KCNIP1: variants seen among roughly 807,000 people sequenced by gnomAD.
KCNIP1 encodes potassium voltage-gated channel interacting protein 1, also known as A-type potassium channel modulatory protein KCNIP1.
Under a neutral mutation model 33.0 loss-of-function variants are expected in KCNIP1, and 18 were observed. The ratio of observed to expected loss-of-function variants is 0.55; its 90% confidence interval spans 0.38 to 0.81. The LOEUF is 0.81. Among genes scored for constraint, KCNIP1 ranks in the 30% least tolerant of loss-of-function variants. KCNIP1 has a pLI of 0.00. For missense variants in KCNIP1, 238 were observed against 271.6 expected (o/e 0.88, Z 0.87); for synonymous variants, 93 against 98.3 (o/e 0.95, Z 0.32).
At chr5:170,424,075 C>T (rs907854253) in intron 1 of KCNIP1, among the ~76,000 whole-genome samples, 1 of 152,230 alleles carries the variant, frequency 6.6e-6, no homozygotes, top group South Asian at 2.1e-4. Flanking sequence ...ATAAATCATT[C>T]ATCGCCATCA....
At chr5:170,431,253 C>T (rs940932852) in intron 1 of KCNIP1, among the ~76,000 whole-genome samples, 8 of 152,238 alleles carry the variant, frequency 5.3e-5, no homozygotes, top group Admixed American at 4.6e-4. Flanking sequence ...ACATCTTCTC[C>T]AGTTACTCAA....
intron 1 of KCNIP1, among the ~76,000 whole-genome samples, chr5:170,494,214 G>A (rs1757266006): frequency 6.6e-6 from 1 of 152,150 alleles, no homozygotes; most frequent in South Asian, 2.1e-4. Flanking sequence ...GAGCAGCCCT[G>A]AGCTGTGGGC....
chr5:170,361,082 C>G (rs1484812777), intron 1 of KCNIP1, among the ~76,000 whole-genome samples: 1 of 152,222 alleles, frequency 6.6e-6, no homozygotes, highest in Admixed American at 6.5e-5. Flanking sequence ...CTCTCATGCT[C>G]TGCTGGGGGA....
chr5:170,398,602 T>C (rs1316530801), intron 1 of KCNIP1, among the ~76,000 whole-genome samples: 1 of 152,262 alleles, frequency 6.6e-6, no homozygotes, highest in African/African-American at 2.4e-5. Flanking sequence ...TGAAATATTT[T>C]ATTTGTCCCA....
chr5:170,716,723 G>A (rs1368974916), intron 1 of KCNIP1, among the ~76,000 whole-genome samples: 1 of 152,138 alleles, frequency 6.6e-6, no homozygotes, highest in African/African-American at 2.4e-5. Flanking sequence ...CATTTTTTAT[G>A]AAGGTGATGG....
chr5:170,516,725 T>C (rs1755136790), intron 1 of KCNIP1, among the ~76,000 whole-genome samples: 1 of 152,210 alleles, frequency 6.6e-6, no homozygotes, highest in African/African-American at 2.4e-5. Context: ...CAGTCCTAGC[T>C]TACCGTTTAG....
At chr5:170,639,016 C>T (rs1349840381) in intron 1 of KCNIP1, 16 of 152,302 alleles carry the variant, frequency 1.1e-4, no homozygotes, top group Admixed American at 1.0e-3. Flanking sequence ...AGCAAGGGTC[C>T]TCCGGGGCGG....
At chr5:170,699,702 T>G (rs1763026463) in intron 1 of KCNIP1, among the ~76,000 whole-genome samples, 1 of 152,160 alleles carries the variant, frequency 6.6e-6, no homozygotes, top group Non-Finnish European at 1.5e-5. Context: ...TCCCCTGGTA[T>G]TCCAGCTGAA....
intron 1 of KCNIP1, among the ~76,000 whole-genome samples, chr5:170,384,472 G>A (rs1488139945): frequency 6.6e-6 from 1 of 152,240 alleles, no homozygotes; most frequent in Non-Finnish European, 1.5e-5. Context: ...TAAGAGTCCA[G>A]CCTGGAATCG....
intron 1 of KCNIP1, among the ~76,000 whole-genome samples, chr5:170,431,902 C>T (rs1755750479): frequency 6.6e-6 from 1 of 152,338 alleles, no homozygotes; most frequent in African/African-American, 2.4e-5. Context: ...CCTCTGCTGT[C>T]CCCCAGGACA....
intron 5 of KCNIP1, among the ~76,000 whole-genome samples, chr5:170,725,685 A>G (rs1763982550): frequency 6.6e-6 from 1 of 152,250 alleles, no homozygotes; most frequent in Non-Finnish European, 1.5e-5. Context: ...TGTAACACAA[A>G]GGATAAATGC....
intron 1 of KCNIP1, among the ~76,000 whole-genome samples, chr5:170,707,211 T>C (rs1763287486): frequency 6.7e-6 from 1 of 148,744 alleles, no homozygotes; most frequent in Admixed American, 6.7e-5. Context: ...GACAAAAAGG[T>C]CCACTTAAAA....
At chr5:170,540,295 G>A (rs566843084) in intron 1 of KCNIP1, among the ~76,000 whole-genome samples, 75 of 152,304 alleles carry the variant, frequency 4.9e-4, no homozygotes, top group African/African-American at 1.8e-3. Context: ...TGGATAGAGT[G>A]CCTGCCCCCA....
intron 1 of KCNIP1, among the ~76,000 whole-genome samples, chr5:170,409,716 T>C (rs1755131469): frequency 6.6e-6 from 1 of 152,220 alleles, no homozygotes; most frequent in African/African-American, 2.4e-5. Context: ...GGGTGTCTTA[T>C]GCCAGTTCTA....
intron 1 of KCNIP1, among the ~76,000 whole-genome samples, chr5:170,479,085 C>G (rs959215636): frequency 2.0e-5 from 3 of 152,232 alleles, no homozygotes; most frequent in African/African-American, 7.2e-5. Flanking sequence ...AAGGACTCCA[C>G]TCCTTTGGTT....
At chr5:170,483,225 G>C in intron 1 of KCNIP1, 1 of 368,110 alleles carries the variant, frequency 2.7e-6, no homozygotes, top group South Asian at 2.1e-5. Flanking sequence ...AACCCAGGGT[G>C]GTGGGAACAC....
chr5:170,475,686 T>G (rs1382395025), intron 1 of KCNIP1, among the ~76,000 whole-genome samples: 2 of 151,400 alleles, frequency 1.3e-5, no homozygotes, highest in African/African-American at 2.4e-5. Context: ...TTGTGGGGGG[T>G]TCTTATTTGA....
rs552580089 is a variant in KCNIP1 at position 170,383,355 on chromosome 5, C to T, written c.88+29391C>T. The T allele has an allele frequency of 2.4e-4, 143 of 586,020 alleles. 1 individual carries two copies. In the South Asian group the frequency reaches 2.6e-3, roughly 11 times the overall value. 36.3% of individuals were successfully genotyped at this position (586,020 alleles called of 1,614,324 possible). ...TGCCCACTATCCACTCAGCATCAAGCGTGGCACTTTATATACAGCGTCTCT... is the reference window on the plus strand; with the variant it reads ...TGCCCACTATCCACTCAGCATCAAGTGTGGCACTTTATATACAGCGTCTCT... On this transcript the variant is annotated intron_variant, in intron 1 of 7. Transcript: ENST00000377360.
intron 1 of KCNIP1, among the ~76,000 whole-genome samples, chr5:170,682,784 CTTTTTTTTTTTTTTTTTTT>C (rs70979196): frequency 1.4e-5 from 1 of 71,404 alleles, no homozygotes; most frequent in African/African-American, 5.8e-5. Flanking sequence ...TTCTTTGTTT[CTTTTTTTTTTTTTTTTTTT>C]TTTTTTGATG....
Sources: gnomAD v4.1 joint callset for allele counts (sites outside exome capture counted in the v4.1 genomes callset) on GRCh38, gnomAD v4.1.1 for gene constraint, MANE v1.5 for transcripts, NCBI Gene and HGNC (gene_info 2026-07-23, HGNC 2026-07-21) for gene names.